DCC: variants seen among roughly 807,000 people sequenced by gnomAD.
The protein encoded by DCC is netrin receptor DCC.
DCC carries 58 observed loss-of-function variants against 172.5 expected under a neutral mutation model. The observed-to-expected ratio is 0.34, with a 90% CI of 0.27 to 0.42. DCC has a LOEUF of 0.42. Among genes scored for constraint, DCC ranks in the 10% least tolerant of loss-of-function variants. The pLI, the probability that DCC is intolerant of heterozygous loss-of-function variation, is 1.00. For missense variants in DCC, 1,740 were observed against 1,791.0 expected (o/e 0.97, Z 0.51); for synonymous variants, 709 against 644.5 (o/e 1.10, Z -1.52).
At chr18:53,523,938 A>T (rs1220160231) in intron 27 of DCC, among the ~76,000 whole-genome samples, 1 of 151,992 alleles carries the variant, frequency 6.6e-6, no homozygotes, top group African/African-American at 2.4e-5. Flanking sequence ...AAAGTATTAA[A>T]TTTATATTAA....
At chr18:53,207,543 A>C in intron 10 of DCC, 136 bp from the exon 11 acceptor site, 1 of 792,506 alleles carries the variant, frequency 1.3e-6, no homozygotes, top group Non-Finnish European at 2.1e-6. Flanking sequence ...GTCACAAGGT[A>C]GGTTTTATAG....
At chr18:53,266,873 C>T (rs2056681174) in intron 12 of DCC, among the ~76,000 whole-genome samples, 1 of 151,820 alleles carries the variant, frequency 6.6e-6, no homozygotes, top group Non-Finnish European at 1.5e-5. Flanking sequence ...CTTTTGATTG[C>T]TGCATAATAT....
intron 11 of DCC, among the ~76,000 whole-genome samples, chr18:53,214,593 T>A (rs2055815953): frequency 6.6e-6 from 1 of 152,150 alleles, no homozygotes; most frequent in Admixed American, 6.5e-5. Context: ...GCCTGAGAAC[T>A]TTTCTATTAA....
intron 2 of DCC, among the ~76,000 whole-genome samples, chr18:52,860,130 G>T (rs1456764706): frequency 6.6e-6 from 1 of 152,152 alleles, no homozygotes; most frequent in South Asian, 2.1e-4. Flanking sequence ...GAAAAACAAA[G>T]GTTAATATCT....
rs145259730 is a variant in DCC, at chr18:53,364,922, G to A, written c.2360-21121G>A. Among the ~76,000 whole-genome samples the A allele has an allele frequency of 5.3e-5, 8 of 152,164 alleles. No homozygotes were observed. The East Asian group carries it at 1.4e-3, about 26-fold the overall frequency. ...ATGGCTTTCTATAGATCCTTACCAC[G>A]ATGTTTTCCACATTGATGGAAATTT... On this transcript the variant is annotated intron_variant, in intron 15 of 28. Transcript: ENST00000442544.
At chr18:53,491,776 A>C (rs2045962223) in intron 26 of DCC, among the ~76,000 whole-genome samples, 1 of 152,148 alleles carries the variant, frequency 6.6e-6, no homozygotes, top group South Asian at 2.1e-4. Flanking sequence ...GAAGAGTGCC[A>C]CAATAAATAT....
intron 22 of DCC, among the ~76,000 whole-genome samples, chr18:53,442,777 T>C (rs538668971): frequency 1.3e-5 from 2 of 152,336 alleles, no homozygotes; most frequent in African/African-American, 2.4e-5. Context: ...AGTGAACCCA[T>C]GAATGATAAG....
chr18:53,326,355 AT>A lies in DCC; in HGVS notation c.2164+4199del, dbSNP rs543876086. Among the ~76,000 whole-genome samples the A allele has an allele frequency of 3.3e-5, 5 of 152,356 alleles. No homozygotes were observed. The South Asian group carries it at 1.0e-3, about 32-fold the overall frequency. ...AACTGCATAAATATGTGGGATGTGT[AT>A]GTTTTACTTGCTGTAAAAAATTGAT... On this transcript the variant is annotated intron_variant, in intron 14 of 28. Coordinates refer to ENST00000442544, the MANE Select transcript of DCC (RefSeq NM_005215.4).
At chr18:52,990,804 C>A (rs182461527) in intron 5 of DCC, among the ~76,000 whole-genome samples, 1 of 152,084 alleles carries the variant, frequency 6.6e-6, no homozygotes, top group East Asian at 1.9e-4. Context: ...ATGAAACAGA[C>A]CACAGTGTGC....
intron 21 of DCC, among the ~76,000 whole-genome samples, chr18:53,433,167 T>C (rs1297965545): frequency 6.6e-6 from 1 of 152,142 alleles, no homozygotes; most frequent in Admixed American, 6.6e-5. Context: ...TTTCTAGAGT[T>C]CCTTTATCTC....
chr18:52,918,380 C>G (rs1428931553), intron 3 of DCC, among the ~76,000 whole-genome samples: 1 of 152,084 alleles, frequency 6.6e-6, no homozygotes, highest in Non-Finnish European at 1.5e-5. Context: ...AGACTCACAA[C>G]CTAGAATTTT....
In DCC at chr18:53,170,448, A is replaced by G. The variant is rs370788946; in HGVS notation, c.1419-8514A>G. Among the ~76,000 whole-genome samples, 54 of 152,344 alleles carry G rather than the reference A, an allele frequency of 3.5e-4. No homozygotes were observed. In the East Asian group the frequency reaches 0.01, roughly 28 times the overall value. ...TAAAGATTTTTTTTGGAGTGGGGGC[A>G]AGCCCCAATGTCAGGGAAACCTATC... On this transcript the variant is annotated intron_variant, in intron 8 of 28. Coordinates refer to ENST00000442544, the MANE Select transcript of DCC (RefSeq NM_005215.4).
At chr18:52,775,350 A>G (rs571695996) in intron 2 of DCC, among the ~76,000 whole-genome samples, 1 of 152,200 alleles carries the variant, frequency 6.6e-6, no homozygotes, top group South Asian at 2.1e-4. Flanking sequence ...GTGCTCTCTT[A>G]GTTTGCTGTC....
chr18:52,834,670 C>G (rs1040005264), intron 2 of DCC, among the ~76,000 whole-genome samples: 1 of 151,982 alleles, frequency 6.6e-6, no homozygotes, highest in Non-Finnish European at 1.5e-5. Context: ...TTTACAGAAC[C>G]ATTTACTGCT....
chr18:52,429,622 C>G (rs531333852), intron 1 of DCC, among the ~76,000 whole-genome samples: 1 of 152,186 alleles, frequency 6.6e-6, no homozygotes, highest in South Asian at 2.1e-4. Flanking sequence ...TCACCTGTTT[C>G]AATCAACTAA....
At chr18:52,392,938 A>G (rs775890646) in intron 1 of DCC, among the ~76,000 whole-genome samples, 9 of 152,088 alleles carry the variant, frequency 5.9e-5, no homozygotes, top group African/African-American at 1.4e-4. Context: ...TCTTCTTCCA[A>G]TCTTATACAG....
At chr18:52,707,814 T>G (rs1048303976) in intron 1 of DCC, among the ~76,000 whole-genome samples, 1 of 152,028 alleles carries the variant, frequency 6.6e-6, no homozygotes, top group African/African-American at 2.4e-5. Context: ...AAAGACAAAC[T>G]CATAGAACCA....
chr18:53,422,728 G>A (rs1910698955), intron 21 of DCC, among the ~76,000 whole-genome samples: 1 of 152,170 alleles, frequency 6.6e-6, no homozygotes, highest in Non-Finnish European at 1.5e-5. Flanking sequence ...TTTAGTTAAT[G>A]TAATCCAGAC....
At chr18:52,779,619 C>T (rs9946762) in intron 2 of DCC, among the ~76,000 whole-genome samples, 8,066 of 152,182 alleles carry the variant, frequency 0.053, 287 homozygotes, top group South Asian at 0.16. Context: ...AACATACATG[C>T]ACATGTGTCT....
Sources: gnomAD v4.1 joint callset for allele counts (sites outside exome capture counted in the v4.1 genomes callset) on GRCh38, gnomAD v4.1.1 for gene constraint, MANE v1.5 for transcripts, NCBI Gene and HGNC (gene_info 2026-07-23, HGNC 2026-07-21) for gene names.